The following TMEM71 variants were observed in gnomAD, a reference collection of about 807,000 sequenced individuals.
TMEM71 encodes the protein transmembrane protein 71.
TMEM71 carries 44 observed loss-of-function variants against 38.0 expected under a neutral mutation model. The observed-to-expected ratio is 1.16, with a 90% CI of 0.91 to 1.49. The LOEUF is 1.49. TMEM71 is among the 40% of genes most tolerant of loss of function. The probability of loss-of-function intolerance (pLI) is 0.00; values close to 1 mark genes in which losing one functional copy is unlikely to be tolerated. For missense variants in TMEM71, 367 were observed against 348.6 expected, an observed-to-expected ratio of 1.05 and a Z score of -0.42; for synonymous variants, 133 against 122.5, an observed-to-expected ratio of 1.09 and a Z score of -0.56.
intron 6 of TMEM71, among the ~76,000 whole-genome samples, chr8:132,726,184 G>A (rs1333127761): frequency 2.6e-5 from 4 of 152,022 alleles, no homozygotes; most frequent in Non-Finnish European, 4.4e-5. Flanking sequence ...TGGAGGAGGT[G>A]GCTATTGAGC....
At chr8:132,753,734 C>T (rs1828855947) in intron 3 of TMEM71, among the ~76,000 whole-genome samples, 2 of 152,134 alleles carry the variant, frequency 1.3e-5, no homozygotes, top group Admixed American at 6.6e-5. Context: ...GTCACTTAGC[C>T]TCTCAGACTG....
rs374196315 is a variant in TMEM71 at position 132,741,919 on chromosome 8, C to A, written c.487+5023G>T. On this transcript the variant is annotated intron_variant, in intron 5 of 9. Coordinates refer to ENST00000677595, the MANE Select transcript of TMEM71 (RefSeq NM_001382403.1). ...GGTCTGCTATGTAGCGGGTGTTGTT[C>A]CTTGACACTTTTTGCTACCGCTAAA... Among the ~76,000 whole-genome samples, 14 of 152,320 alleles carry A rather than the reference C, an allele frequency of 9.2e-5. No homozygotes were observed. In the East Asian group the frequency reaches 1.9e-3, roughly 21 times the overall value.
At chr8:132,743,551 G>T (rs1379205492) in intron 5 of TMEM71, among the ~76,000 whole-genome samples, 1 of 151,958 alleles carries the variant, frequency 6.6e-6, no homozygotes. Context: ...TCTTTTGCAG[G>T]TTAATCCTGT....
intron 5 of TMEM71, among the ~76,000 whole-genome samples, chr8:132,739,459 C>G (rs1002549964): frequency 6.6e-6 from 1 of 152,140 alleles, no homozygotes; most frequent in Non-Finnish European, 1.5e-5. Flanking sequence ...CTACAGGTGC[C>G]CGCCACCATG....
intron 4 of TMEM71, among the ~76,000 whole-genome samples, chr8:132,750,938 T>C (rs2467983): frequency 0.31 from 46,517 of 151,928 alleles, 7,345 homozygotes; most frequent in Non-Finnish European, 0.33. Context: ...TTTCCCCACC[T>C]TTACTGTTTC....
chr8:132,737,565 C>T (rs569628791), intron 5 of TMEM71, among the ~76,000 whole-genome samples: 3 of 152,248 alleles, frequency 2.0e-5, no homozygotes, highest in Admixed American at 6.5e-5. Flanking sequence ...CAAATCCTGG[C>T]TATGCGACTT....
the TMEM71 span, among the ~76,000 whole-genome samples, chr8:132,774,851 G>A: frequency 0.02 from 3,090 of 152,242 alleles, 105 homozygotes; most frequent in African/African-American, 0.072. Flanking sequence ...AGTAATATTC[G>A]TCTTTGTATT....
chr8:132,749,367 G>C (rs1828565055), intron 4 of TMEM71, among the ~76,000 whole-genome samples: 1 of 152,174 alleles, frequency 6.6e-6, no homozygotes. Flanking sequence ...CACATTTGTG[G>C]TGGAAACAAT....
chr8:132,718,290 A>G (rs953723230), intron 7 of TMEM71, among the ~76,000 whole-genome samples: 6 of 152,184 alleles, frequency 3.9e-5, no homozygotes, highest in African/African-American at 1.2e-4. Context: ...CATTTTACAT[A>G]TGTCATTTCA....
At chr8:132,744,123 C>A (rs1300897789) in intron 5 of TMEM71, among the ~76,000 whole-genome samples, 1 of 151,706 alleles carries the variant, frequency 6.6e-6, no homozygotes, top group East Asian at 1.9e-4. Flanking sequence ...CCATAAGGCC[C>A]AAGAAGACAG....
chr8:132,706,586 A>T (rs1028587945), downstream of TMEM71, among the ~76,000 whole-genome samples: 4 of 152,164 alleles, frequency 2.6e-5, no homozygotes, highest in African/African-American at 9.7e-5. Context: ...TTTATATATT[A>T]AACATGGTTC....
chr8:132,752,845 AAGGAAGGAAGG>A (rs1484121240), intron 3 of TMEM71, among the ~76,000 whole-genome samples: 7 of 138,554 alleles, frequency 5.1e-5, no homozygotes, highest in Non-Finnish European at 1.1e-4. Context: ...GGAAGGAAGG[AAGGAAGGAAGG>A]AAGGAAGGAA....
chr8:132,732,943 G>C (rs1827542537), intron 5 of TMEM71, among the ~76,000 whole-genome samples: 1 of 152,162 alleles, frequency 6.6e-6, no homozygotes, highest in African/African-American at 2.4e-5. Context: ...CCCTGTCATT[G>C]AGAGAGCTGA....
At chr8:132,730,020 G>T (rs1367484899) in intron 5 of TMEM71, among the ~76,000 whole-genome samples, 1 of 151,556 alleles carries the variant, frequency 6.6e-6, no homozygotes, top group Non-Finnish European at 1.5e-5. Flanking sequence ...GTGCAATGGC[G>T]CAAGCTCAGC....
intron 6 of TMEM71, among the ~76,000 whole-genome samples, chr8:132,725,139 G>T (rs897038851): frequency 2.0e-5 from 3 of 151,708 alleles, no homozygotes; most frequent in African/African-American, 7.3e-5. Flanking sequence ...TTAGGCTCAG[G>T]TGATTCTCCC....
chr8:132,717,857 A>G (rs1826617948), intron 7 of TMEM71, among the ~76,000 whole-genome samples: 1 of 152,204 alleles, frequency 6.6e-6, no homozygotes, highest in Non-Finnish European at 1.5e-5. Context: ...CCATCAACTG[A>G]CGAATGGATA....
At chr8:132,774,165 G>T in the TMEM71 span, among the ~76,000 whole-genome samples, 1 of 152,236 alleles carries the variant, frequency 6.6e-6, no homozygotes, top group East Asian at 1.9e-4. Flanking sequence ...TCTAAGGAGG[G>T]TGGAAAGTAT....
At chr8:132,775,821 C>T in the TMEM71 span, among the ~76,000 whole-genome samples, 2 of 152,166 alleles carry the variant, frequency 1.3e-5, no homozygotes, top group Admixed American at 6.5e-5. Context: ...TTCCTTACCC[C>T]CCTGCGGAGG....
downstream of TMEM71, among the ~76,000 whole-genome samples, chr8:132,707,419 C>T (rs551544635): frequency 1.8e-4 from 28 of 152,260 alleles, no homozygotes; most frequent in Non-Finnish European, 3.4e-4. Flanking sequence ...ATGTTGGAAA[C>T]TTAATCCCCA....
Sources: allele counts gnomAD v4.1 joint callset (sites outside exome capture counted in the v4.1 genomes callset), GRCh38; gene constraint gnomAD v4.1.1; transcripts MANE v1.5; gene names NCBI Gene and HGNC (gene_info 2026-07-23, HGNC 2026-07-21).